The following MAP2K5 variants were observed in gnomAD, a reference collection of about 807,000 sequenced individuals.
MAP2K5 encodes mitogen-activated protein kinase kinase 5, also known as dual specificity mitogen-activated protein kinase kinase 5.
A neutral mutation model predicts 83.1 loss-of-function variants in MAP2K5; 49 were observed. The observed-to-expected ratio is 0.59, with a 90% confidence interval of 0.47 to 0.75. MAP2K5 has a LOEUF of 0.75. MAP2K5 is among the 30% of genes least tolerant of loss of function. The pLI is 0.00. For synonymous variants in MAP2K5, 202 were observed against 191.8 expected (o/e 1.05, Z -0.44); for missense variants, 457 against 557.5 (o/e 0.82, Z 1.82).
intron 21 of MAP2K5, among the ~76,000 whole-genome samples, chr15:67,773,935 G>GCTA (rs2090188774): frequency 6.6e-6 from 1 of 152,200 alleles, no homozygotes; most frequent in Non-Finnish European, 1.5e-5. Flanking sequence ...TAGCTCAGCT[G>GCTA]TTAAAACAAA....
At chr15:67,621,434 G>GAAAAAAA (rs11449678) in intron 8 of MAP2K5, among the ~76,000 whole-genome samples, 14 of 118,920 alleles carry the variant, frequency 1.2e-4, no homozygotes, top group African/African-American at 1.6e-4. Context: ...ACAAAAGTTT[G>GAAAAAAA]AAAAAAAAAA....
At chr15:67,659,270 G>T (rs4776957) in intron 12 of MAP2K5, 154,211 of 157,048 alleles carry the variant, frequency 0.98, 75,789 homozygotes, top group Middle Eastern at 1. Flanking sequence ...TCATGGGGTG[G>T]TGTGATAGTA....
chr15:67,683,735 G>C lies in MAP2K5; in HGVS notation c.848-8744G>C, dbSNP rs187329908. On this transcript the variant is annotated intron_variant, in intron 13 of 21. Transcript: ENST00000178640. ...AGATCGCGCCATTGCACTTTAGCCT[G>C]GGTGACATGAGCAAGACTCTGTCTC... Among the ~76,000 whole-genome samples, 35 of 146,182 alleles carry C rather than the reference G, an allele frequency of 2.4e-4. No homozygotes were observed. In the East Asian group the frequency reaches 4.8e-3, roughly 20 times the overall value.
chr15:67,628,762 C>T, intron 8 of MAP2K5: 1 of 760,054 alleles, frequency 1.3e-6, no homozygotes, highest in Non-Finnish European at 2.4e-6. Context: ...GTCGAAGTGG[C>T]TCTGGAAACT....
chr15:67,631,434 T>C (rs1470383389), intron 9 of MAP2K5, among the ~76,000 whole-genome samples: 1 of 152,230 alleles, frequency 6.6e-6, no homozygotes, highest in Non-Finnish European at 1.5e-5. Context: ...TTTCTTTTCC[T>C]ATGCACCTTT....
intron 16 of MAP2K5, among the ~76,000 whole-genome samples, chr15:67,727,118 T>C (rs2089113926): frequency 6.6e-6 from 1 of 152,158 alleles, no homozygotes; most frequent in Non-Finnish European, 1.5e-5. Flanking sequence ...GAGAATCACT[T>C]GAACCCAGGA....
intron 15 of MAP2K5, among the ~76,000 whole-genome samples, chr15:67,700,965 A>T (rs1227294775): frequency 6.6e-6 from 1 of 151,636 alleles, no homozygotes; most frequent in African/African-American, 2.4e-5. Flanking sequence ...CTTTATTATC[A>T]GCTTACAGTT....
At position 67,775,996 on chromosome 15, in the gene MAP2K5, G is replaced by T. The variant is rs1302577084; in HGVS notation, c.1242+3244G>T. Reference sequence around the variant, plus strand: ...TGGGAACACCACACTTATCCACATGGATCTTTTTTCTTGAGTGAATTCTCT... The same window carrying T: ...TGGGAACACCACACTTATCCACATGTATCTTTTTTCTTGAGTGAATTCTCT... On this transcript the variant is annotated intron_variant, in intron 21 of 21. Transcript: ENST00000178640. The surrounding 1 kb of genome is among the most constrained non-coding windows in gnomAD (Gnocchi z 5.3). Among the ~76,000 whole-genome samples, 7 of 152,138 alleles carry T rather than the reference G, an allele frequency of 4.6e-5. No homozygotes were observed. Among genetic ancestry groups the T allele is most frequent in the Non-Finnish European group, 1.5e-5 (1 of 68,024 alleles).
At chr15:67,751,854 A>G (rs926709952) in intron 19 of MAP2K5, among the ~76,000 whole-genome samples, 1 of 152,078 alleles carries the variant, frequency 6.6e-6, no homozygotes, top group East Asian at 1.9e-4. Flanking sequence ...TGGCGCTGAC[A>G]TTGATATTCT....
intron 4 of MAP2K5, among the ~76,000 whole-genome samples, chr15:67,583,415 A>G (rs1307402875): frequency 6.6e-6 from 1 of 152,146 alleles, no homozygotes; most frequent in Non-Finnish European, 1.5e-5. Flanking sequence ...TGTTAAACAT[A>G]GTCTTTCTAA....
At chr15:67,725,712 T>C (rs1270691125) in intron 16 of MAP2K5, among the ~76,000 whole-genome samples, 1 of 152,238 alleles carries the variant, frequency 6.6e-6, no homozygotes, top group Non-Finnish European at 1.5e-5. Context: ...TGGAAGTATA[T>C]GCAAAAGTCA....
intron 19 of MAP2K5, among the ~76,000 whole-genome samples, chr15:67,765,924 A>G (rs962494905): frequency 6.6e-6 from 1 of 152,214 alleles, no homozygotes; most frequent in Non-Finnish European, 1.5e-5. Context: ...TAATAATTAA[A>G]CAGTTTCAGT....
At position 67,770,703 on chromosome 15, in the gene MAP2K5, C is replaced by G. The variant is rs1299349059; in HGVS notation, c.1196+1040C>G. On this transcript the variant is annotated intron_variant, in intron 20 of 21. Transcript: ENST00000178640. This position sits in a 1 kb window ranked among gnomAD's most constrained non-coding sequence, Gnocchi z 5.0. ...TCGTTGTGTGCCATCCCCTTCCCCT[C>G]CCACTATGATCTGTCCGATGATTAT... Among the ~76,000 whole-genome samples, 10 of 152,140 alleles carry G rather than the reference C, an allele frequency of 6.6e-5. No homozygotes were observed. Among genetic ancestry groups the G allele is most frequent in the Non-Finnish European group, 1.0e-4 (7 of 68,026 alleles).
At chr15:67,584,593 C>A (rs1001484107) in intron 4 of MAP2K5, among the ~76,000 whole-genome samples, 1 of 143,006 alleles carries the variant, frequency 7.0e-6, no homozygotes, top group South Asian at 2.4e-4. Context: ...GGAAAAATAA[C>A]ATAATAAATT....
chr15:67,728,080 G>T, intron 17 of MAP2K5, 135 bp downstream of exon 17: 3 of 761,662 alleles, frequency 3.9e-6, no homozygotes, highest in East Asian at 2.5e-5. Context: ...TATCTTAAAG[G>T]GTTCATTTAG....
In MAP2K5 at chr15:67,717,782, A is replaced by T. The variant is rs1056226410; in HGVS notation, c.1045-10134A>T. Among the ~76,000 whole-genome samples the T allele has an allele frequency of 6.6e-6, 1 of 152,052 alleles. No homozygotes were observed. The highest frequency in any genetic ancestry group is 6.5e-5 in the Admixed American group (1 of 15,268). The stretch of plus-strand genomic sequence containing the variant: ...GGAGTGGCTGGGACCCTCCTCTCCC[A>T]TCTCCCCTTCATGGCTAGCTTAGAC... On this transcript the variant is annotated intron_variant, in intron 16 of 21. Transcript: ENST00000178640. This position sits in a 1 kb window ranked among gnomAD's most constrained non-coding sequence, Gnocchi z 4.1.
chr15:67,701,650 G>C (rs970400887), intron 15 of MAP2K5, among the ~76,000 whole-genome samples: 8 of 152,162 alleles, frequency 5.3e-5, no homozygotes, highest in Admixed American at 2.6e-4. Flanking sequence ...AATATTTAGT[G>C]ACTGGAGCTA....
chr15:67,650,805 A>G (rs1219755491), intron 11 of MAP2K5, among the ~76,000 whole-genome samples: 2 of 152,068 alleles, frequency 1.3e-5, no homozygotes, highest in Non-Finnish European at 2.9e-5. Flanking sequence ...TTGTGATGTC[A>G]GTGTCTGATT....
rs1423347241 is a variant in MAP2K5 at position 67,774,341 on chromosome 15, C to T, written c.1242+1589C>T. Among the ~76,000 whole-genome samples, 2 of 152,102 alleles carry T rather than the reference C, an allele frequency of 1.3e-5. No individual in the cohort carries two copies. The highest frequency in any genetic ancestry group is 4.8e-5 in the African/African-American group (2 of 41,424). ...TTGTCACAGGAAGCACCATTCCATACTTAATTTAACATTATTTCTAGTACT... is the reference window on the plus strand; with the variant it reads ...TTGTCACAGGAAGCACCATTCCATATTTAATTTAACATTATTTCTAGTACT... On this transcript the variant is annotated intron_variant, in intron 21 of 21. Coordinates refer to ENST00000178640, the MANE Select transcript of MAP2K5 (RefSeq NM_145160.3). This position sits in a 1 kb window ranked among gnomAD's most constrained non-coding sequence, Gnocchi z 4.9.
Sources: gnomAD v4.1 joint callset for allele counts (sites outside exome capture counted in the v4.1 genomes callset) on GRCh38, gnomAD v4.1.1 for gene constraint, Gnocchi (gnomAD v3.1) non-coding constraint, MANE v1.5 for transcripts, NCBI Gene and HGNC (gene_info 2026-07-23, HGNC 2026-07-21) for gene names.